Variants in CTR9 observed in about 807,000 individuals in gnomAD.
CTR9 encodes the protein RNA polymerase-associated protein CTR9 homolog.
In CTR9, 41 loss-of-function variants were observed where a neutral mutation model predicts 152.1. The observed-to-expected ratio is 0.27, with a 90% confidence interval of 0.21 to 0.35. The LOEUF is 0.35. CTR9 is among the 10% of genes least tolerant of loss of function. The probability of loss-of-function intolerance (pLI) is 1.00; values close to 1 mark genes in which losing one functional copy is unlikely to be tolerated. For missense variants in CTR9, 917 were observed against 1,424.4 expected, an observed-to-expected ratio of 0.64 and a Z score of 5.73; for synonymous variants, 476 against 496.2, an observed-to-expected ratio of 0.96 and a Z score of 0.54.
intron 12 of CTR9, among the ~76,000 whole-genome samples, chr11:10,765,791 A>T (rs1863050346): frequency 6.6e-6 from 1 of 152,214 alleles, no homozygotes; most frequent in African/African-American, 2.4e-5. Flanking sequence ...GGTGCCTATC[A>T]TGCTGTTATG....
intron 12 of CTR9, among the ~76,000 whole-genome samples, chr11:10,765,618 C>T (rs546226648): frequency 3.9e-5 from 6 of 152,188 alleles, no homozygotes; most frequent in South Asian, 4.2e-4. Context: ...CCCACGACTA[C>T]GTCCGACTAA....
intron 6 of CTR9, among the ~76,000 whole-genome samples, chr11:10,760,542 AG>A (rs1313593290): frequency 4.6e-5 from 7 of 151,924 alleles, no homozygotes; most frequent in African/African-American, 1.7e-4. Context: ...CTAGTAGGAT[AG>A]GGTTACAATT....
At chr11:10,755,970 T>C (rs556784790) in intron 4 of CTR9, among the ~76,000 whole-genome samples, 175 bp downstream of exon 4, 1 of 152,354 alleles carries the variant, frequency 6.6e-6, no homozygotes, top group South Asian at 2.1e-4. Flanking sequence ...AAATAAAATA[T>C]ATACCAGTTA....
Position 10,755,058 on chromosome 11 carries a change from A to G in CTR9, c.245A>G (p.Gln82Arg). Residue 82 changes from glutamine (Q) to arginine (R), a missense_variant, in exon 3 of 25, where the codon CAG becomes CGG. Coordinates refer to ENST00000361367, the MANE Select transcript of CTR9 (RefSeq NM_014633.5). The part of the protein sequence containing the change: ...NLDYRDHEKD[Q>R]MTCLDTLAAY... Reference sequence around the variant, plus strand: ...GACTATAGAGACCATGAAAAAGACCAGATGACTTGCTTGGATACATTGGCA... The same window carrying G: ...GACTATAGAGACCATGAAAAAGACCGGATGACTTGCTTGGATACATTGGCA... The G allele has an allele frequency of 6.2e-7, 1 of 1,614,134 alleles. No individual in the cohort carries two copies. Among genetic ancestry groups the G allele is most frequent in the Non-Finnish European group, 8.5e-7 (1 of 1,179,998 alleles).
chr11:10,758,211 T>G (rs1862917359), intron 5 of CTR9, among the ~76,000 whole-genome samples: 1 of 152,204 alleles, frequency 6.6e-6, no homozygotes. Context: ...TTGGAGGGCC[T>G]TGGGCAGCAG....
At chr11:10,751,955 C>T (rs1378002921) in intron 1 of CTR9, among the ~76,000 whole-genome samples, 1 of 152,058 alleles carries the variant, frequency 6.6e-6, no homozygotes, top group Non-Finnish European at 1.5e-5. Flanking sequence ...ACGAGATATC[C>T]CAAGATTTAG....
rs555206651 is a variant in CTR9 at position 10,758,662 on chromosome 11, G to A, written c.593-1511G>A. Among the ~76,000 whole-genome samples, 3 of 152,312 alleles carry A rather than the reference G, an allele frequency of 2.0e-5. No homozygotes were observed. In the South Asian group the frequency reaches 6.2e-4, roughly 32 times the overall value. ...AGAGCTTTATCCTGAGCCTTGAGAAGAATGTGGCTATACAACCTGAGTCAC... is the reference window on the plus strand; with the variant it reads ...AGAGCTTTATCCTGAGCCTTGAGAAAAATGTGGCTATACAACCTGAGTCAC... On this transcript the variant is annotated intron_variant, in intron 5 of 24. Coordinates refer to ENST00000361367, the MANE Select transcript of CTR9 (RefSeq NM_014633.5).
At chr11:10,763,140 C>T (rs1863003822) in intron 7 of CTR9, among the ~76,000 whole-genome samples, 1 of 149,030 alleles carries the variant, frequency 6.7e-6, no homozygotes, top group Non-Finnish European at 1.5e-5. Flanking sequence ...GTCAGTAATT[C>T]ACTATGAAAG....
At chr11:10,755,437 T>A (rs1282314885) in intron 3 of CTR9, among the ~76,000 whole-genome samples, 1 of 152,238 alleles carries the variant, frequency 6.6e-6, no homozygotes, top group Non-Finnish European at 1.5e-5. Flanking sequence ...CCAGGTGAAT[T>A]TCAAGGATAT....
chr11:10,773,552 T>C (rs981631253), intron 21 of CTR9, among the ~76,000 whole-genome samples: 4 of 152,172 alleles, frequency 2.6e-5, no homozygotes, highest in African/African-American at 7.2e-5. Context: ...AGAAGTCTAA[T>C]TGGGCCTAGC....
In CTR9 at chr11:10,768,048, T is replaced by G. The variant is rs1192010569; in HGVS notation, c.1873-26T>G. The stretch of plus-strand genomic sequence containing the variant: ...GATACTCTACATTCTCGTTTGAATC[T>G]TTTTTAAGAGCACTTGTTTCTATAG... On this transcript the variant is annotated intron_variant, in intron 14 of 24. Coordinates refer to ENST00000361367, the MANE Select transcript of CTR9 (RefSeq NM_014633.5). The G allele has an allele frequency of 2.5e-6, 4 of 1,613,668 alleles. No homozygotes were observed. In the Admixed American group the frequency reaches 5.0e-5, roughly 20 times the overall value.
In CTR9 at chr11:10,754,839, A is replaced by G. The variant is rs958756690; in HGVS notation, c.145-119A>G. The G allele has an allele frequency of 5.8e-6, 6 of 1,026,720 alleles. No homozygotes were observed. The African/African-American group carries it at 9.7e-5, about 17-fold the overall frequency. The allele number at this position is 1,026,720 out of a possible 1,614,324, so 63.6% of individuals were successfully genotyped here. A position where few individuals can be genotyped will look rare whatever the true frequency, so the allele number is the denominator to read the frequency against. ...TTGTTTATCCATTCACCTGTTAATCAACATTTTGATTGTTTCCAGTTTTTT... is the reference window on the plus strand; with the variant it reads ...TTGTTTATCCATTCACCTGTTAATCGACATTTTGATTGTTTCCAGTTTTTT... On this transcript the variant is annotated intron_variant, in intron 2 of 24. Coordinates refer to ENST00000361367, the MANE Select transcript of CTR9 (RefSeq NM_014633.5).
At chr11:10,760,110 A>G in intron 5 of CTR9, 63 bp from the exon 6 acceptor site, 2 of 1,575,094 alleles carry the variant, frequency 1.3e-6, no homozygotes. Flanking sequence ...ATGTTTAAGC[A>G]TTTTTGTAAT....
Position 10,751,530 on chromosome 11 carries a change from C to A in CTR9, c.45+73C>A. Reference sequence around the variant, plus strand: ...CGCCCCCACCGACTTCGCTCGACTTCGTTTCTGAAGCGAGAGCATCCTCCT... The same window carrying A: ...CGCCCCCACCGACTTCGCTCGACTTAGTTTCTGAAGCGAGAGCATCCTCCT... On this transcript the variant is annotated intron_variant, in intron 1 of 24. Transcript: ENST00000361367. 5.5e-6 allele frequency: 8 copies of A among 1,461,378 alleles called. 1 individual carries two copies. The highest frequency in any genetic ancestry group is 1.7e-4 in the Middle Eastern group (1 of 5,718). 90.5% of individuals were successfully genotyped at this position (1,461,378 alleles called of 1,614,324 possible).
chr11:10,773,458 T>G (rs1863176336), intron 21 of CTR9, among the ~76,000 whole-genome samples, 185 bp downstream of exon 21: 1 of 152,200 alleles, frequency 6.6e-6, no homozygotes, highest in Admixed American at 6.5e-5. Context: ...CATTCCAAGG[T>G]TTGCTAAGTG....
rs2135375217 is a variant in CTR9 at position 10,768,121 on chromosome 11, C to G, written c.1920C>G (p.Leu640=). 6.2e-7 allele frequency: 1 copy of G among 1,614,002 alleles called. No homozygotes were observed. Among genetic ancestry groups the G allele is most frequent in the Non-Finnish European group, 8.5e-7 (1 of 1,180,002 alleles). Residue 640 remains leucine (L), a synonymous_variant, in exon 15 of 25, where the codon CTC becomes CTG. Coordinates refer to ENST00000361367, the MANE Select transcript of CTR9 (RefSeq NM_014633.5). The stretch of plus-strand genomic sequence containing the variant: ...CTCTGGCCATCTACAAACAAGTACT[C>G]AGAAATGATGCAAAGAATCTGTATG... ...DRALAIYKQV[L]RNDAKNLYAA... is the part of the protein sequence containing the mutation.
rs1472436168 is a variant in CTR9, at chr11:10,767,399, A to G, written c.1687-407A>G. Reference sequence around the variant, plus strand: ...AATGTGGGGAACTAATTTTAATCATATGTAATTGGTCACAAGGCCTAATTT... The same window carrying G: ...AATGTGGGGAACTAATTTTAATCATGTGTAATTGGTCACAAGGCCTAATTT... On this transcript the variant is annotated intron_variant, in intron 13 of 24. Coordinates refer to ENST00000361367, the MANE Select transcript of CTR9 (RefSeq NM_014633.5). The surrounding 1 kb of genome is among the most constrained non-coding windows in gnomAD (Gnocchi z 4.0). The G allele has an allele frequency of 6.0e-6, 1 of 166,726 alleles. No homozygotes were observed. Among genetic ancestry groups the G allele is most frequent in the Admixed American group, 5.7e-5 (1 of 17,562 alleles). The allele number at this position is 166,726 out of a possible 1,614,324, so 10.3% of individuals were successfully genotyped here.
chr11:10,754,875 A>T, intron 2 of CTR9, 83 bp from the exon 3 acceptor site: 1 of 1,408,290 alleles, frequency 7.1e-7, no homozygotes, highest in South Asian at 1.4e-5. Context: ...GTTATTACAA[A>T]TAAAGCTGCT....
At chr11:10,772,389 A>T (rs911531875) in intron 19 of CTR9, 131 bp from the exon 20 acceptor site, 3 of 770,720 alleles carry the variant, frequency 3.9e-6, no homozygotes, top group Non-Finnish European at 5.4e-6. Context: ...ACATTTTTTT[A>T]AAAAAAGACT....
Sources: gnomAD v4.1 joint callset for allele counts (sites outside exome capture counted in the v4.1 genomes callset) on GRCh38, gnomAD v4.1.1 for gene constraint, Gnocchi (gnomAD v3.1) non-coding constraint, MANE v1.5 for transcripts, NCBI Gene and HGNC (gene_info 2026-07-23, HGNC 2026-07-21) for gene names.